Variants in ASXL3 observed in about 807,000 individuals in gnomAD.
ASXL3 encodes ASXL transcriptional regulator 3.
In ASXL3, 34 loss-of-function variants were observed where a neutral mutation model predicts 170.6. The ratio of observed to expected loss-of-function variants is 0.20; its 90% CI spans 0.15 to 0.27. The LOEUF is 0.27. Among genes scored for constraint, ASXL3 ranks in the 10% least tolerant of loss-of-function variants. ASXL3 has a pLI of 1.00. For missense variants in ASXL3, 2,592 were observed against 2,695.3 expected, an observed-to-expected ratio of 0.96 and a Z score of 0.85; for synonymous variants, 1,002 against 989.1, an observed-to-expected ratio of 1.01 and a Z score of -0.24.
In ASXL3 at chr18:33,588,950, T is replaced by C. The variant is rs530753220; in HGVS notation, c.54+10265T>C. Among the ~76,000 whole-genome samples the C allele has an allele frequency of 2.0e-5, 3 of 152,302 alleles. No homozygotes were observed. In the East Asian group the frequency reaches 5.8e-4, roughly 29 times the overall value. Reference sequence around the variant, plus strand: ...TCTTATATTTTTTTCTTATACCCAGTAAATCACTGACTTCTGCCACCTTCA... The same window carrying C: ...TCTTATATTTTTTTCTTATACCCAGCAAATCACTGACTTCTGCCACCTTCA... On this transcript the variant is annotated intron_variant, in intron 1 of 11. Transcript: ENST00000269197.
intron 1 of ASXL3, among the ~76,000 whole-genome samples, chr18:33,589,404 T>C (rs1359371391): frequency 6.6e-6 from 1 of 152,186 alleles, no homozygotes; most frequent in Non-Finnish European, 1.5e-5. Flanking sequence ...AGAATGATTC[T>C]TTTTGCATTT....
chr18:33,598,584 A>C (rs1002672380), intron 1 of ASXL3, among the ~76,000 whole-genome samples: 3 of 152,202 alleles, frequency 2.0e-5, no homozygotes, highest in Non-Finnish European at 2.9e-5. Context: ...TTCAAGATCA[A>C]AGTCACAGCA....
chr18:33,718,959 A>G (rs9954233), intron 8 of ASXL3, among the ~76,000 whole-genome samples: 62,047 of 151,696 alleles, frequency 0.41, 13,620 homozygotes, highest in East Asian at 0.84. Flanking sequence ...CAGCTTGTTG[A>G]GAACTTTGTG....
intron 6 of ASXL3, among the ~76,000 whole-genome samples, chr18:33,671,138 A>G (rs73955174): frequency 0.02 from 3,005 of 152,242 alleles, 94 homozygotes; most frequent in African/African-American, 0.069. Context: ...AATACCATCA[A>G]AAGCAGTTCT....
chr18:33,671,888 C>A (rs766831529), intron 7 of ASXL3, 22 bp downstream of exon 7: 3 of 1,480,680 alleles, frequency 2.0e-6, no homozygotes, highest in East Asian at 2.5e-5. Flanking sequence ...ATAGACTATG[C>A]CATTTCACAT....
At chr18:33,680,832 T>G (rs1381336940) in intron 7 of ASXL3, among the ~76,000 whole-genome samples, 1 of 151,974 alleles carries the variant, frequency 6.6e-6, no homozygotes, top group Non-Finnish European at 1.5e-5. Context: ...TTTCTAAATT[T>G]TTATTCTTTC....
At position 33,750,732 on chromosome 18, in the gene ASXL3, A is replaced by G. The variant is rs1287379861; in HGVS notation, c.*4137A>G. The G allele has an allele frequency of 6.6e-6, 1 of 152,202 alleles. No individual in the cohort carries two copies. Among genetic ancestry groups the G allele is most frequent in the Non-Finnish European group, 1.5e-5 (1 of 68,032 alleles). 9.4% of individuals were successfully genotyped at this position (152,202 alleles called of 1,614,324 possible). On this transcript the variant is annotated 3_prime_UTR_variant, in exon 12 of 12. Transcript: ENST00000269197. ...CACAGATTGGGGGCGAAGGCCCTGA[A>G]CCTACATAGACATTTTATATCAGCA...
intron 1 of ASXL3, among the ~76,000 whole-genome samples, chr18:33,605,092 C>G (rs114153105): frequency 6.6e-6 from 1 of 151,920 alleles, no homozygotes; most frequent in African/African-American, 2.4e-5. Flanking sequence ...AAACAGATCT[C>G]CCACCAAAAC....
chr18:33,675,692 T>G (rs4799352), intron 7 of ASXL3, among the ~76,000 whole-genome samples: 85,225 of 151,740 alleles, frequency 0.56, 24,485 homozygotes, highest in East Asian at 0.89. Context: ...ATTCACCCTG[T>G]GCAAGGCCTG....
intron 8 of ASXL3, among the ~76,000 whole-genome samples, chr18:33,703,479 C>A (rs56098405): frequency 6.6e-6 from 1 of 152,260 alleles, no homozygotes; most frequent in East Asian, 1.9e-4. Context: ...AGCCACCACC[C>A]TACAGTGGCC....
intron 8 of ASXL3, among the ~76,000 whole-genome samples, chr18:33,722,085 C>T (rs369936501): frequency 1.6e-4 from 24 of 152,086 alleles, no homozygotes; most frequent in South Asian, 6.2e-4. Flanking sequence ...AAATGTGTTC[C>T]GACTGTTTAC....
At chr18:33,616,462 T>C (rs1023853867) in intron 2 of ASXL3, among the ~76,000 whole-genome samples, 5 of 151,926 alleles carry the variant, frequency 3.3e-5, no homozygotes, top group African/African-American at 1.2e-4. Flanking sequence ...ACATTTCTGG[T>C]AGTTATCACA....
intron 8 of ASXL3, among the ~76,000 whole-genome samples, chr18:33,706,576 G>T (rs940971017): frequency 1.5e-4 from 23 of 151,794 alleles, no homozygotes; most frequent in Admixed American, 2.0e-4. Context: ...GCATTTATCT[G>T]ATGACTAATG....
chr18:33,700,015 A>T (rs933491834), intron 8 of ASXL3, among the ~76,000 whole-genome samples: 3 of 152,118 alleles, frequency 2.0e-5, no homozygotes, highest in Non-Finnish European at 4.4e-5. Context: ...GATTGGAGTT[A>T]AATAAGATGT....
intron 1 of ASXL3, among the ~76,000 whole-genome samples, chr18:33,593,306 A>G (rs2145100915): frequency 7.0e-6 from 1 of 141,860 alleles, no homozygotes; most frequent in East Asian, 2.1e-4. Context: ...CTGGGAGAGA[A>G]GTACCCCCAC....
intron 8 of ASXL3, among the ~76,000 whole-genome samples, chr18:33,716,955 A>G (rs1344802348): frequency 6.6e-6 from 1 of 150,882 alleles, no homozygotes; most frequent in African/African-American, 2.4e-5. Flanking sequence ...ATTTATATTT[A>G]CCTCTGTTCT....
chr18:33,685,456 A>G (rs1405869797), intron 8 of ASXL3, among the ~76,000 whole-genome samples: 1 of 152,158 alleles, frequency 6.6e-6, no homozygotes. Flanking sequence ...CGTTTAGGGG[A>G]AAGATCTGAT....
rs749360194 is a variant in ASXL3 at position 33,746,509 on chromosome 18, A to G, written c.6661A>G (p.Ile2221Val). 1.2e-6 allele frequency: 2 copies of G among 1,613,982 alleles called. No homozygotes were observed. The highest frequency in any genetic ancestry group is 2.2e-5 in the East Asian group (1 of 44,876). Reference sequence around the variant, plus strand: ...ATGCTCTTGCCGGCTGAAAGCCATGATTGTGTGCAAAGGCTGTGGGGCCTT... The same window carrying G: ...ATGCTCTTGCCGGCTGAAAGCCATGGTTGTGTGCAAAGGCTGTGGGGCCTT... The part of the protein sequence containing the change: ...LKCSCRLKAM[I>V]VCKGCGAFCH... Residue 2221 changes from isoleucine to valine, a missense_variant, in exon 12 of 12, where the codon ATT becomes GTT. This residue lies in a region of ASXL3 where 22 missense variants were observed against 51.1 expected (regional missense o/e 0.43). Transcript: ENST00000269197.
In ASXL3 at chr18:33,746,608, A is replaced by AGAT; in HGVS notation, c.*15_*17dup. 2 of 1,559,676 alleles carry AGAT rather than the reference A, an allele frequency of 1.3e-6. No homozygotes were observed. Among genetic ancestry groups the AGAT allele is most frequent in the Middle Eastern group, 1.7e-4 (1 of 5,774 alleles). On this transcript the variant is annotated 3_prime_UTR_variant, in exon 12 of 12. Transcript: ENST00000269197. ...GGTTGTACGATAAGAGCTGAGTGAA[A>AGAT]GATGCAGTATCCCTTTTCCACACGG... is the stretch of plus-strand genomic sequence containing the variant.
Sources: allele counts gnomAD v4.1 joint callset (sites outside exome capture counted in the v4.1 genomes callset), GRCh38; gene constraint gnomAD v4.1.1; regional missense constraint gnomAD v4.1.1; transcripts MANE v1.5; gene names NCBI Gene and HGNC (gene_info 2026-07-23, HGNC 2026-07-21).